OR2A5: variants seen among roughly 807,000 people sequenced by gnomAD.
The protein encoded by OR2A5 is olfactory receptor family 2 subfamily A member 5, also known as olfactory receptor 2A5.
In OR2A5, 2 loss-of-function variants were observed where a neutral mutation model predicts 1.9. That is an observed-to-expected ratio of 1.04 (90% confidence interval 0.43 to 3.28). The LOEUF (loss-of-function observed/expected upper bound fraction) is 3.28. Among genes scored for constraint, OR2A5 ranks in the 30% most tolerant of loss-of-function variants. OR2A5 has a pLI of 0.08. For synonymous variants in OR2A5, 160 were observed against 154.5 expected (o/e 1.04, Z -0.26); for missense variants, 391 against 375.9 (o/e 1.04, Z -0.33).
chr7:144,051,668 A>G lies in OR2A5; in HGVS notation c.*331A>G, dbSNP rs1390181274. 2 of 270,016 alleles carry G rather than the reference A, an allele frequency of 7.4e-6. No homozygotes were observed. The highest frequency in any genetic ancestry group is 2.2e-5 in the African/African-American group (1 of 45,484). The allele number at this position is 270,016 out of a possible 1,614,324, so 16.7% of individuals were successfully genotyped here. On this transcript the variant is annotated 3_prime_UTR_variant, in exon 2 of 2. Transcript: ENST00000641693. ...TCTATTATTTCCATCTCTTTTTGCC[A>G]TAAGTATATGCTGGTAATCCCATAC...
chr7:144,049,853 T>C (rs1420388456), intron 1 of OR2A5, among the ~76,000 whole-genome samples: 1 of 152,256 alleles, frequency 6.6e-6, no homozygotes, highest in Non-Finnish European at 1.5e-5. Context: ...TGAAATTGCA[T>C]TTGTAAACCT....
rs145146363 is a variant in OR2A5, at chr7:144,050,983, C to T, written c.582C>T (p.Leu194=). Reference sequence around the variant, plus strand: ...AGTTGGCCTGTGCTGACACCTGGCTCAACCAGGTGGTCATCTTTGCTGCTT... The same window carrying T: ...AGTTGGCCTGTGCTGACACCTGGCTTAACCAGGTGGTCATCTTTGCTGCTT... ...VLKLACADTW[L]NQVVIFAASV... is the part of the protein sequence containing the mutation. The change falls in exon 2 of 2, where the codon CTC becomes CTT. Residue 194 remains leucine (L), a synonymous_variant. Coordinates refer to ENST00000641693, the MANE Select transcript of OR2A5 (RefSeq NM_012365.2). The T allele has an allele frequency of 1.1e-4, 179 of 1,614,194 alleles. No homozygotes were observed. The African/African-American group carries it at 2.2e-3, about 20-fold the overall frequency.
chr7:144,050,505 T>G lies in OR2A5; in HGVS notation c.104T>G (p.Val35Gly), dbSNP rs200836739. 1 of 1,606,108 alleles carries G rather than the reference T, an allele frequency of 6.2e-7. No individual in the cohort carries two copies. The highest frequency in any genetic ancestry group is 1.7e-5 in the Admixed American group (1 of 59,578). The change falls in exon 2 of 2, where the codon GTC (valine) becomes GGC (glycine). Residue 35 changes from valine to glycine, a missense_variant. Val to Gly is a moderately radical substitution (Grantham distance 109). Coordinates refer to ENST00000641693, the MANE Select transcript of OR2A5 (RefSeq NM_012365.2). ...TCTGGGCTTTTCTCCCTGTTATACG[T>G]CTTCACCCTGCTGGGAAATGGGGCC... ...LLSGLFSLLY[V>G]FTLLGNGAIL...
In OR2A5 at chr7:144,057,082, G is replaced by A. The variant is rs1339551717; in HGVS notation, c.*5745G>A. On this transcript the variant is annotated 3_prime_UTR_variant, in exon 2 of 2. Transcript: ENST00000641693. ...ACCCACCTCGGCCTCCCAAAGTGCT[G>A]GGATTACAGGCGTGAGCCACCGCGC... 1 of 152,014 alleles carries A rather than the reference G, an allele frequency of 6.6e-6. No homozygotes were observed. Among genetic ancestry groups the A allele is most frequent in the Non-Finnish European group, 1.5e-5 (1 of 68,020 alleles). 9.4% of individuals were successfully genotyped at this position (152,014 alleles called of 1,614,324 possible).
chr7:144,050,337 C>A lies in OR2A5; in HGVS notation c.-51-14C>A. On this transcript the variant is annotated splice_polypyrimidine_tract_variant and intron_variant, in intron 1 of 1. Transcript: ENST00000641693. ...CTGTTAACTGACTAATCCGGATCTGCATTTGCTCCTCAGCACATAGCTCAT... is the reference window on the plus strand; with the variant it reads ...CTGTTAACTGACTAATCCGGATCTGAATTTGCTCCTCAGCACATAGCTCAT... The A allele has an allele frequency of 1.9e-6, 2 of 1,048,800 alleles. No homozygotes were observed. Among genetic ancestry groups the A allele is most frequent in the Non-Finnish European group, 2.8e-6 (2 of 711,726 alleles). The allele number at this position is 1,048,800 out of a possible 1,614,324, so 65.0% of individuals were successfully genotyped here.
rs1416279118 is a variant in OR2A5, at chr7:144,052,189, C to T, written c.*852C>T. 6.6e-6 allele frequency: 1 copy of T among 152,138 alleles called. No homozygotes were observed. Among genetic ancestry groups the T allele is most frequent in the Non-Finnish European group, 1.5e-5 (1 of 68,036 alleles). 9.4% of individuals were successfully genotyped at this position (152,138 alleles called of 1,614,324 possible). A position where few individuals can be genotyped will look rare whatever the true frequency, so the allele number is the denominator to read the frequency against. On this transcript the variant is annotated 3_prime_UTR_variant, in exon 2 of 2. Coordinates refer to ENST00000641693, the MANE Select transcript of OR2A5 (RefSeq NM_012365.2). ...CAGCTTGATGTAACATCATAGACCA[C>T]CGCTTAGAACCAAGAACATGTCAAG...
intron 1 of OR2A5, 25 bp from the exon 2 acceptor site, chr7:144,050,326 A>G (rs777115800): frequency 3.1e-6 from 3 of 965,750 alleles, no homozygotes; most frequent in Non-Finnish European, 4.7e-6. Flanking sequence ...TAACTGACTA[A>G]TCCGGATCTG....
intron 1 of OR2A5, among the ~76,000 whole-genome samples, chr7:144,049,630 T>C (rs1343699762): frequency 6.6e-6 from 1 of 152,198 alleles, no homozygotes; most frequent in Non-Finnish European, 1.5e-5. Flanking sequence ...ATCAGAATAT[T>C]ATCCTGTTAA....
chr7:144,050,284 C>A (rs1191785875), intron 1 of OR2A5, 67 bp from the exon 2 acceptor site: 7 of 659,842 alleles, frequency 1.1e-5, no homozygotes, highest in Admixed American at 8.5e-5. Flanking sequence ...TGAGTCAGCA[C>A]CCTGTGTGCA....
chr7:144,051,054 A>G lies in OR2A5; in HGVS notation c.653A>G (p.Tyr218Cys). The change falls in exon 2 of 2, where the codon TAC becomes TGC. Residue 218 changes from tyrosine (Y) to cysteine (C), a missense_variant. Tyr to Cys is a radical substitution (Grantham distance 194, BLOSUM62 -2). Coordinates refer to ENST00000641693, the MANE Select transcript of OR2A5 (RefSeq NM_012365.2). Reference protein sequence around the residue: ...VGPLCLVLVSYSRILAAILRI... With the variant: ...VGPLCLVLVSCSRILAAILRI... ...CCGCTCTGCCTGGTGCTGGTCTCCTACTCGCGCATCCTGGCGGCCATCTTG... is the reference window on the plus strand; with the variant it reads ...CCGCTCTGCCTGGTGCTGGTCTCCTGCTCGCGCATCCTGGCGGCCATCTTG... The G allele has an allele frequency of 3.1e-6, 5 of 1,613,988 alleles. No homozygotes were observed. The highest frequency in any genetic ancestry group is 4.2e-6 in the Non-Finnish European group (5 of 1,179,994).
chr7:144,054,151 G>A lies in OR2A5; in HGVS notation c.*2814G>A, dbSNP rs575026193. 2 of 152,362 alleles carry A rather than the reference G, an allele frequency of 1.3e-5. No individual in the cohort carries two copies. The highest frequency in any genetic ancestry group is 3.9e-4 in the East Asian group (2 of 5,190). 9.4% of individuals were successfully genotyped at this position (152,362 alleles called of 1,614,324 possible). ...CTGAGAAAGGGGGAACCCAGCACAGGTGCAAGCTGAGATGCTTGCTATGTT... is the reference window on the plus strand; with the variant it reads ...CTGAGAAAGGGGGAACCCAGCACAGATGCAAGCTGAGATGCTTGCTATGTT... On this transcript the variant is annotated 3_prime_UTR_variant, in exon 2 of 2. Coordinates refer to ENST00000641693, the MANE Select transcript of OR2A5 (RefSeq NM_012365.2).
rs2050916519 is a variant in OR2A5, at chr7:144,053,004, G to A, written c.*1667G>A. On this transcript the variant is annotated 3_prime_UTR_variant, in exon 2 of 2. Coordinates refer to ENST00000641693, the MANE Select transcript of OR2A5 (RefSeq NM_012365.2). ...AAACCTTTAAAAGAAAAGGGAAAGA[G>A]GAAACATATAGAATAGTTCATCTCA... 1 of 151,972 alleles carries A rather than the reference G, an allele frequency of 6.6e-6. No homozygotes were observed. The highest frequency in any genetic ancestry group is 2.4e-5 in the African/African-American group (1 of 41,374). 9.4% of individuals were successfully genotyped at this position (151,972 alleles called of 1,614,324 possible).
At position 144,052,592 on chromosome 7, in the gene OR2A5, T is replaced by C. The variant is rs2050914335; in HGVS notation, c.*1255T>C. On this transcript the variant is annotated 3_prime_UTR_variant, in exon 2 of 2. Transcript: ENST00000641693. ...AAAGAAAGAAGCAAAGGGGGAACTCTTTCCTCCCACCCCCTCTCCAAATGC... is the reference window on the plus strand; with the variant it reads ...AAAGAAAGAAGCAAAGGGGGAACTCCTTCCTCCCACCCCCTCTCCAAATGC... The C allele has an allele frequency of 6.6e-6, 1 of 152,218 alleles. No homozygotes were observed. Among genetic ancestry groups the C allele is most frequent in the South Asian group, 2.1e-4 (1 of 4,832 alleles). The allele number at this position is 152,218 out of a possible 1,614,324, so 9.4% of individuals were successfully genotyped here. A position where few individuals can be genotyped will look rare whatever the true frequency, so the allele number is the denominator to read the frequency against.
Position 144,056,320 on chromosome 7 carries a change from G to A in OR2A5, c.*4983G>A, listed in dbSNP as rs2050939244. On this transcript the variant is annotated 3_prime_UTR_variant, in exon 2 of 2. Transcript: ENST00000641693. ...CCCAGGCCCTGCGCTGCAACCAAAT[G>A]TGGAATCCAGACACCCACTCTGGGT... 1 of 152,332 alleles carries A rather than the reference G, an allele frequency of 6.6e-6. No individual in the cohort carries two copies. The highest frequency in any genetic ancestry group is 1.5e-5 in the Non-Finnish European group (1 of 68,178). The allele number at this position is 152,332 out of a possible 1,614,324, so 9.4% of individuals were successfully genotyped here.
At chr7:144,049,308 C>T (rs1253307642) in intron 1 of OR2A5, among the ~76,000 whole-genome samples, 175 bp downstream of exon 1, 25 of 152,184 alleles carry the variant, frequency 1.6e-4, no homozygotes, top group Admixed American at 1.6e-3. Context: ...ATAAGCTGCA[C>T]ATTGAGAATG....
chr7:144,053,619 T>C lies in OR2A5; in HGVS notation c.*2282T>C, dbSNP rs994116401. 2 of 152,226 alleles carry C rather than the reference T, an allele frequency of 1.3e-5. No individual in the cohort carries two copies. Among genetic ancestry groups the C allele is most frequent in the African/African-American group, 4.8e-5 (2 of 41,468 alleles). The allele number at this position is 152,226 out of a possible 1,614,324, so 9.4% of individuals were successfully genotyped here. ...ACTGAGTGTTATGGATCGTACTGATTGCAAACCCAAGCTGCTTCTTAGCAG... is the reference window on the plus strand; with the variant it reads ...ACTGAGTGTTATGGATCGTACTGATCGCAAACCCAAGCTGCTTCTTAGCAG... On this transcript the variant is annotated 3_prime_UTR_variant, in exon 2 of 2. Coordinates refer to ENST00000641693, the MANE Select transcript of OR2A5 (RefSeq NM_012365.2).
intron 1 of OR2A5, among the ~76,000 whole-genome samples, chr7:144,049,406 A>G (rs2050884871): frequency 6.6e-6 from 1 of 152,244 alleles, no homozygotes. Flanking sequence ...GGTTGGGGGA[A>G]TGACAAGCAG....
At position 144,051,030 on chromosome 7, in the gene OR2A5, CG is replaced by C. The variant is rs1586880185; in HGVS notation, c.630del (p.Leu211SerfsTer16). The C allele has an allele frequency of 2.4e-5, 38 of 1,614,234 alleles. No individual in the cohort carries two copies. Among genetic ancestry groups the C allele is most frequent in the Non-Finnish European group, 3.1e-5 (37 of 1,180,044 alleles). On this transcript the variant is annotated frameshift_variant, in exon 2 of 2. Coordinates refer to ENST00000641693, the MANE Select transcript of OR2A5 (RefSeq NM_012365.2). LOFTEE classifies it high-confidence loss of function. ...GCTTCAGTGTTCATCCTGGTGGGGC[CG>C]CTCTGCCTGGTGCTGGTCTCCTACT... is the stretch of plus-strand genomic sequence containing the variant. ...FAASVFILVG[P>X]LCLVLVSYSR... is the part of the protein sequence containing the mutation.
At chr7:144,049,944 T>C (rs2050888544) in intron 1 of OR2A5, among the ~76,000 whole-genome samples, 1 of 152,202 alleles carries the variant, frequency 6.6e-6, no homozygotes, top group African/African-American at 2.4e-5. Context: ...CTGCACAAAT[T>C]ACAAAATAAT....
Sources: gnomAD v4.1 joint callset for allele counts (sites outside exome capture counted in the v4.1 genomes callset) on GRCh38, gnomAD v4.1.1 for gene constraint, MANE v1.5 for transcripts, NCBI Gene and HGNC (gene_info 2026-07-23, HGNC 2026-07-21) for gene names.